The following FLYWCH2 variants were observed in gnomAD, a reference collection of about 807,000 sequenced individuals.
FLYWCH2 encodes the protein FLYWCH family member 2.
FLYWCH2 carries 2 observed loss-of-function variants against 6.0 expected under a neutral mutation model. The ratio of observed to expected loss-of-function variants is 0.33; its 90% CI spans 0.14 to 1.04. The LOEUF is 1.04. FLYWCH2 is among the 50% of genes least tolerant of loss of function. The pLI is 0.45. For synonymous variants in FLYWCH2, 87 were observed against 79.3 expected, an observed-to-expected ratio of 1.10 and a Z score of -0.52; for missense variants, 192 against 183.4, an observed-to-expected ratio of 1.05 and a Z score of -0.27.
intron 1 of FLYWCH2, among the ~76,000 whole-genome samples, chr16:2,885,338 A>C (rs2069687007): frequency 2.3e-5 from 1 of 42,722 alleles, no homozygotes; most frequent in Admixed American, 2.1e-4. Context: ...ACAAAACAAA[A>C]AAAAAAATAT....
intron 1 of FLYWCH2, among the ~76,000 whole-genome samples, chr16:2,890,888 G>T (rs905938397): frequency 2.0e-5 from 3 of 152,130 alleles, no homozygotes; most frequent in Non-Finnish European, 4.4e-5. Context: ...CTTTGGAAAT[G>T]CACTAAGCCC....
chr16:2,889,908 A>T (rs1327355712), intron 1 of FLYWCH2, among the ~76,000 whole-genome samples: 1 of 152,102 alleles, frequency 6.6e-6, no homozygotes, highest in African/African-American at 2.4e-5. Context: ...GACATGGTGA[A>T]ACCGTGTCTC....
At chr16:2,891,732 AT>A (rs1024209493) in intron 1 of FLYWCH2, among the ~76,000 whole-genome samples, 1 of 150,050 alleles carries the variant, frequency 6.7e-6, no homozygotes, top group Non-Finnish European at 1.5e-5. Flanking sequence ...TAATTTGTTT[AT>A]TTTTTATAGT....
intron 1 of FLYWCH2, among the ~76,000 whole-genome samples, chr16:2,890,554 A>C (rs1173828284): frequency 6.6e-6 from 1 of 151,060 alleles, no homozygotes; most frequent in Non-Finnish European, 1.5e-5. Context: ...AGCTGGGATT[A>C]CAGGCGCCTG....
At chr16:2,892,031 A>G (rs752800851) in intron 1 of FLYWCH2, among the ~76,000 whole-genome samples, 4 of 150,766 alleles carry the variant, frequency 2.7e-5, no homozygotes, top group African/African-American at 4.9e-5. Flanking sequence ...GTCTCAACTG[A>G]AAATACAAAG....
At chr16:2,895,482 C>T (rs556620217) in intron 2 of FLYWCH2, among the ~76,000 whole-genome samples, 162 bp downstream of exon 2, 23 of 152,320 alleles carry the variant, frequency 1.5e-4, no homozygotes, top group Admixed American at 3.9e-4. Flanking sequence ...GGCGTGGTGG[C>T]GGGCGCCTGT....
intron 1 of FLYWCH2, among the ~76,000 whole-genome samples, chr16:2,894,602 G>T (rs1269304825): frequency 2.6e-5 from 4 of 152,236 alleles, no homozygotes; most frequent in African/African-American, 9.6e-5. Context: ...ACAGGGGTTG[G>T]CTTGTCCGGA....
At chr16:2,884,886 CA>C (rs151316276) in intron 1 of FLYWCH2, among the ~76,000 whole-genome samples, 4 of 146,942 alleles carry the variant, frequency 2.7e-5, no homozygotes, top group South Asian at 2.2e-4. Flanking sequence ...AAAACAAAAA[CA>C]AAAAAAAAAC....
At chr16:2,898,214 A>G (rs778328499) in intron 3 of FLYWCH2, among the ~76,000 whole-genome samples, 3 of 152,024 alleles carry the variant, frequency 2.0e-5, no homozygotes, top group Non-Finnish European at 4.4e-5. Flanking sequence ...CTTTCAAGGA[A>G]CCTAATGGAC....
intron 1 of FLYWCH2, among the ~76,000 whole-genome samples, chr16:2,889,902 T>G (rs1402922424): frequency 6.6e-6 from 1 of 152,100 alleles, no homozygotes; most frequent in Non-Finnish European, 1.5e-5. Context: ...CTGGACGACA[T>G]GGTGAAACCG....
chr16:2,890,958 A>G (rs1386008396), intron 1 of FLYWCH2, among the ~76,000 whole-genome samples: 2 of 152,204 alleles, frequency 1.3e-5, no homozygotes, highest in Non-Finnish European at 2.9e-5. Flanking sequence ...GTGTCCGCAC[A>G]TACTGTTTAG....
At position 2,892,065 on chromosome 16, in the gene FLYWCH2, G is replaced by A. The variant is rs532461158; in HGVS notation, c.-199-3155G>A. On this transcript the variant is annotated intron_variant, in intron 1 of 3. Coordinates refer to ENST00000396958, the MANE Select transcript of FLYWCH2 (RefSeq NM_138439.3). ...AGATTAGCTGGGAGTAGTGGCCGGC[G>A]CTTGTAATCCCAGCTACTCGGGAGG... Among the ~76,000 whole-genome samples, 11 of 151,734 alleles carry A rather than the reference G, an allele frequency of 7.2e-5. No homozygotes were observed. The East Asian group carries it at 2.0e-3, about 27-fold the overall frequency.
intron 1 of FLYWCH2, among the ~76,000 whole-genome samples, chr16:2,893,261 G>A (rs2069780052): frequency 1.3e-5 from 2 of 152,102 alleles, no homozygotes; most frequent in Non-Finnish European, 2.9e-5. Flanking sequence ...TTTGGAGGAG[G>A]GGCTGAAAGT....
chr16:2,896,184 G>T (rs1284114828), intron 2 of FLYWCH2, among the ~76,000 whole-genome samples, 168 bp from the exon 3 acceptor site: 1 of 152,170 alleles, frequency 6.6e-6, no homozygotes, highest in African/African-American at 2.4e-5. Flanking sequence ...TCCCAAGGCT[G>T]CCAGGAGAGG....
At chr16:2,883,946 C>T (rs188279289) in intron 1 of FLYWCH2, among the ~76,000 whole-genome samples, 8 of 152,300 alleles carry the variant, frequency 5.3e-5, no homozygotes, top group Admixed American at 5.2e-4. Context: ...GGGGAAGCTC[C>T]GCGCTGCACA....
In FLYWCH2 at chr16:2,893,019, T is replaced by C. The variant is rs199844659; in HGVS notation, c.-199-2201T>C. Among the ~76,000 whole-genome samples the C allele has an allele frequency of 6.9e-3, 1,006 of 146,054 alleles. 16 individuals are homozygous for C. Among genetic ancestry groups the C allele is most frequent in the African/African-American group, 0.022 (887 of 39,736 alleles). On this transcript the variant is annotated intron_variant, in intron 1 of 3. Coordinates refer to ENST00000396958, the MANE Select transcript of FLYWCH2 (RefSeq NM_138439.3). ...TATACATATATTTTATTTATATATATACACACACACACACATATAAATGCA... is the reference window on the plus strand; with the variant it reads ...TATACATATATTTTATTTATATATACACACACACACACACATATAAATGCA...
chr16:2,898,987 C>A, intron 3 of FLYWCH2, 62 bp from the exon 4 acceptor site: 1 of 1,387,076 alleles, frequency 7.2e-7, no homozygotes, highest in Non-Finnish European at 1.0e-6. Flanking sequence ...AGACCCCCAA[C>A]AGCCAAGCTG....
intron 1 of FLYWCH2, among the ~76,000 whole-genome samples, chr16:2,889,724 C>T (rs113862450): frequency 4.6e-5 from 7 of 152,086 alleles, no homozygotes; most frequent in African/African-American, 1.4e-4. Context: ...AGTACAGAGT[C>T]CCTATAGATC....
Position 2,899,129 on chromosome 16 carries a change from G to T in FLYWCH2, c.403G>T (p.Ala135Ser). 1 of 1,613,352 alleles carries T rather than the reference G, an allele frequency of 6.2e-7. No homozygotes were observed. The highest frequency in any genetic ancestry group is 8.5e-7 in the Non-Finnish European group (1 of 1,179,714). Reference sequence around the variant, plus strand: ...GGAGAACTTTGCCCCCTGCTCTGTGGCGCCCGGCAAGTCCCTGTAACCTTG... The same window carrying T: ...GGAGAACTTTGCCCCCTGCTCTGTGTCGCCCGGCAAGTCCCTGTAACCTTG... ...AGENFAPCSV[A>S]PGKSL The change falls in exon 4 of 4, where the codon GCG (alanine) becomes TCG (serine). Residue 135 changes from alanine to serine, a missense_variant. Physicochemically the swap from Ala to Ser is moderately conservative, Grantham distance 99. Transcript: ENST00000396958.
Sources: allele counts gnomAD v4.1 joint callset (sites outside exome capture counted in the v4.1 genomes callset), GRCh38; gene constraint gnomAD v4.1.1; transcripts MANE v1.5; gene names NCBI Gene and HGNC (gene_info 2026-07-23, HGNC 2026-07-21).